The following ZFHX3 variants were observed in gnomAD, a reference collection of about 807,000 sequenced individuals.
ZFHX3 encodes the protein zinc finger homeobox 3.
A neutral mutation model predicts 279.1 loss-of-function variants in ZFHX3; 42 were observed. The observed-to-expected ratio is 0.15, with a 90% CI of 0.12 to 0.19. The LOEUF (loss-of-function observed/expected upper bound fraction) is 0.19, where lower values mean the gene tolerates loss of function less well. ZFHX3 is among the 10% of genes least tolerant of loss of function. The pLI, the probability that ZFHX3 is intolerant of heterozygous loss-of-function variation, is 1.00. For missense variants in ZFHX3, 4,981 were observed against 4,754.0 expected, an observed-to-expected ratio of 1.05 and a Z score of -1.40; for synonymous variants, 2,293 against 1,957.8, an observed-to-expected ratio of 1.17 and a Z score of -4.52.
chr16:73,888,505 T>A, intron 1 of ZFHX3, among the ~76,000 whole-genome samples: 1 of 152,138 alleles, frequency 6.6e-6, no homozygotes, highest in East Asian at 1.9e-4. Flanking sequence ...AAAAGGTAAA[T>A]AGGATTTCCC....
intron 1 of ZFHX3, among the ~76,000 whole-genome samples, chr16:73,889,256 G>A (rs535081930): frequency 1.4e-4 from 21 of 152,174 alleles, no homozygotes; most frequent in Non-Finnish European, 2.8e-4. Context: ...AGGAAGCTGC[G>A]CCAGACCCGC....
In ZFHX3 at chr16:72,840,424, C is replaced by T. The variant is rs2037317606; in HGVS notation, c.3449-10565G>A. Among the ~76,000 whole-genome samples the T allele has an allele frequency of 5.9e-5, 9 of 152,236 alleles. 1 individual carries two copies. In the South Asian group the frequency reaches 1.9e-3, roughly 32 times the overall value. ...AGAGATGGAGGGGCGGCCATGCAGG[C>T]CCAAGGCATTTGCAATGCTGGGGAG... On this transcript the variant is annotated intron_variant, in intron 4 of 9. Coordinates refer to ENST00000268489, the MANE Select transcript of ZFHX3 (RefSeq NM_006885.4).
chr16:73,648,969 T>A (rs1181207322), intron 2 of ZFHX3, among the ~76,000 whole-genome samples: 1 of 152,200 alleles, frequency 6.6e-6, no homozygotes, highest in Non-Finnish European at 1.5e-5. Flanking sequence ...TGTTAAAAAG[T>A]CCTCTAGATG....
chr16:73,778,761 G>T (rs139908926), intron 1 of ZFHX3, among the ~76,000 whole-genome samples: 4 of 152,066 alleles, frequency 2.6e-5, no homozygotes, highest in Admixed American at 2.6e-4. Flanking sequence ...ATGGTAAGAC[G>T]GCAATGCAGG....
upstream of ZFHX3, among the ~76,000 whole-genome samples, chr16:73,064,662 G>A (rs915691483): frequency 2.6e-5 from 4 of 152,144 alleles, no homozygotes; most frequent in Admixed American, 2.6e-4. Context: ...CAAACTTGGA[G>A]CGCCCGGATC....
At chr16:73,261,135 A>G (rs1473099637) in intron 4 of ZFHX3, among the ~76,000 whole-genome samples, 2 of 152,244 alleles carry the variant, frequency 1.3e-5, no homozygotes, top group Non-Finnish European at 2.9e-5. Context: ...AGATCTATTA[A>G]TAGGAGACTG....
At chr16:73,223,318 A>G (rs549768154) in intron 5 of ZFHX3, among the ~76,000 whole-genome samples, 269 of 152,316 alleles carry the variant, frequency 1.8e-3, no homozygotes, top group Non-Finnish European at 3.2e-3. Context: ...TGCAAACGAA[A>G]TATCTGATAA....
chr16:73,469,587 A>C (rs1288941391), intron 2 of ZFHX3, among the ~76,000 whole-genome samples: 1 of 151,890 alleles, frequency 6.6e-6, no homozygotes, highest in Non-Finnish European at 1.5e-5. Flanking sequence ...TCTTTTAAAA[A>C]CATCCTGGTA....
In ZFHX3 at chr16:73,459,371, T is replaced by C. The variant is rs552490383; in HGVS notation, c.-1546-3113A>G. On this transcript the variant is annotated intron_variant, in intron 2 of 17. Coordinates refer to the ZFHX3 transcript ENST00000641206. ...AGGTTGTCTTTTTGTTGTTGTTTTT[T>C]TTTCTGAGATGGATGGAGTCTCATT... 2.6e-4 allele frequency among the ~76,000 whole-genome samples: 40 copies of C among 152,284 alleles called. 2 individuals are homozygous for C. The South Asian group carries it at 8.3e-3, about 32-fold the overall frequency.
At chr16:73,726,797 C>G (rs2053522621) in intron 1 of ZFHX3, among the ~76,000 whole-genome samples, 2 of 152,204 alleles carry the variant, frequency 1.3e-5, no homozygotes, top group African/African-American at 4.8e-5. Flanking sequence ...GAGGGACCCA[C>G]CTCCCACCAG....
At chr16:73,680,934 G>A (rs988493361) in intron 1 of ZFHX3, among the ~76,000 whole-genome samples, 1 of 152,096 alleles carries the variant, frequency 6.6e-6, no homozygotes, top group Admixed American at 6.6e-5. Flanking sequence ...GAGTATACGG[G>A]AAAGATACTA....
At chr16:73,640,343 G>C (rs544015654) in intron 2 of ZFHX3, among the ~76,000 whole-genome samples, 18 of 152,112 alleles carry the variant, frequency 1.2e-4, no homozygotes, top group Admixed American at 4.6e-4. Flanking sequence ...ACTTTTTAGT[G>C]CCTTGCTCTC....
chr16:72,957,484 T>C lies in ZFHX3; in HGVS notation c.2662A>G (p.Met888Val), dbSNP rs747017873. 2 of 1,614,122 alleles carry C rather than the reference T, an allele frequency of 1.2e-6. No individual in the cohort carries two copies. Among genetic ancestry groups the C allele is most frequent in the East Asian group, 4.5e-5 (2 of 44,880 alleles). ...GCGGGATCCAGCTGGAATCCGCTCA[T>C]CATGAACTGGGCGTCCGAGGCAGCA... ...DSAASDAQFMMSGFQLDPAGP... is the reference protein window; with the variant it reads ...DSAASDAQFMVSGFQLDPAGP... Residue 888 changes from methionine (M) to valine (V), a missense_variant, in exon 2 of 10, where the codon ATG (methionine) becomes GTG (valine). By Grantham distance (21) the Met-to-Val change is conservative. This residue lies in a region of ZFHX3 where 1,751 missense variants were observed against 1,770.0 expected (regional missense o/e 0.99). Coordinates refer to ENST00000268489, the MANE Select transcript of ZFHX3 (RefSeq NM_006885.4).
At chr16:73,672,373 C>G (rs1260493520) in intron 2 of ZFHX3, among the ~76,000 whole-genome samples, 1 of 152,156 alleles carries the variant, frequency 6.6e-6, no homozygotes, top group Non-Finnish European at 1.5e-5. Flanking sequence ...GTTACCATTT[C>G]TGAACTCCAG....
chr16:73,509,832 A>C (rs921712305), intron 2 of ZFHX3, among the ~76,000 whole-genome samples: 1 of 151,668 alleles, frequency 6.6e-6, no homozygotes, highest in Non-Finnish European at 1.5e-5. Flanking sequence ...AGTAGCTGGG[A>C]TCATAGGGAC....
chr16:73,360,797 T>A (rs1003217886), intron 3 of ZFHX3, among the ~76,000 whole-genome samples: 1 of 152,144 alleles, frequency 6.6e-6, no homozygotes, highest in Admixed American at 6.5e-5. Context: ...GACCTAGAAG[T>A]TCATGCTGTC....
At chr16:73,018,915 G>C (rs1964199266) in intron 1 of ZFHX3, among the ~76,000 whole-genome samples, 1 of 152,060 alleles carries the variant, frequency 6.6e-6, no homozygotes, top group Non-Finnish European at 1.5e-5. Context: ...CTAGTGTTGG[G>C]GCTCAAGCTT....
chr16:73,754,123 A>G (rs1403620664), intron 1 of ZFHX3, among the ~76,000 whole-genome samples: 2 of 152,056 alleles, frequency 1.3e-5, no homozygotes, highest in Non-Finnish European at 2.9e-5. Context: ...GCAGACAGCT[A>G]GGAACACAGT....
chr16:73,127,295 G>C, intron 7 of ZFHX3: 1 of 1,268,854 alleles, frequency 7.9e-7, no homozygotes, highest in Non-Finnish European at 1.0e-6. Flanking sequence ...AGGCAGAGAA[G>C]AGGGAAGAAG....
Sources: allele counts gnomAD v4.1 joint callset (sites outside exome capture counted in the v4.1 genomes callset), GRCh38; gene constraint gnomAD v4.1.1; regional missense constraint gnomAD v4.1.1; transcripts MANE v1.5; gene names NCBI Gene and HGNC (gene_info 2026-07-23, HGNC 2026-07-21).